Variants in HEPHL1 observed in about 807,000 individuals in gnomAD.
HEPHL1 encodes the protein ferroxidase HEPHL1.
In HEPHL1, 123 loss-of-function variants were observed where a neutral mutation model predicts 122.0. The observed-to-expected ratio is 1.01, with a 90% CI of 0.87 to 1.17. The LOEUF is 1.17. Among genes scored for constraint, HEPHL1 ranks in the 50% most tolerant of loss-of-function variants. The pLI, the probability that HEPHL1 is intolerant of heterozygous loss-of-function variation, is 0.00. For missense variants in HEPHL1, 1,452 were observed against 1,430.5 expected (o/e 1.01, Z -0.24); for synonymous variants, 527 against 508.9 (o/e 1.04, Z -0.48).
At chr11:94,064,552 A>G in intron 4 of HEPHL1, 42 bp downstream of exon 4, 1 of 1,391,938 alleles carries the variant, frequency 7.2e-7, no homozygotes, top group Non-Finnish European at 1.0e-6. Flanking sequence ...CAGGCCTTTT[A>G]TACTATAAGG....
intron 1 of HEPHL1, among the ~76,000 whole-genome samples, chr11:94,040,838 C>T (rs1318104491): frequency 2.7e-5 from 2 of 74,322 alleles, no homozygotes; most frequent in Non-Finnish European, 5.2e-5. Context: ...TCTCTCACCG[C>T]TCCTATTCAA....
rs114542505 is a variant in HEPHL1 at position 94,063,616 on chromosome 11, C to T, written c.524C>T (p.Thr175Ile). The T allele has an allele frequency of 2.9e-4, 467 of 1,613,928 alleles. 2 individuals are homozygous for T. The African/African-American group carries it at 5.0e-3, about 17-fold the overall frequency. The change falls in exon 3 of 20, where the codon ACT becomes ATT. Residue 175 changes from threonine to isoleucine, a missense_variant. By Grantham distance (89) the Thr-to-Ile change is moderately conservative. Transcript: ENST00000315765. ...VWPVREEYAPTPADANCLTWV... is the reference protein window; with the variant it reads ...VWPVREEYAPIPADANCLTWV... Reference sequence around the variant, plus strand: ...CCGGTGAGAGAAGAATATGCACCTACTCCAGCCGATGCCAACTGCCTGACC... The same window carrying T: ...CCGGTGAGAGAAGAATATGCACCTATTCCAGCCGATGCCAACTGCCTGACC...
chr11:94,030,859 G>A (rs1306418394), intron 1 of HEPHL1, among the ~76,000 whole-genome samples: 2 of 152,080 alleles, frequency 1.3e-5, no homozygotes, highest in Non-Finnish European at 2.9e-5. Context: ...GTGGATGCTT[G>A]GATACAAGAG....
At position 94,070,507 on chromosome 11, in the gene HEPHL1, C is replaced by T; in HGVS notation, c.1197C>T (p.Asn399=). The T allele has an allele frequency of 6.2e-7, 1 of 1,611,158 alleles. No individual in the cohort carries two copies. The highest frequency in any genetic ancestry group is 8.5e-7 in the Non-Finnish European group (1 of 1,178,532). ...ILWDYAPQGY[N]KFSGLPLNAS... is the part of the protein sequence containing the mutation. ...GGGATTATGCTCCTCAAGGCTATAA[C>T]AAATTCAGTGGTCTTCCTCTAAACG... The change falls in exon 6 of 20, where the codon AAC becomes AAT. Residue 399 remains asparagine (N), a synonymous_variant. Transcript: ENST00000315765.
Position 94,070,493 on chromosome 11 carries a change from C to T in HEPHL1, c.1183C>T (p.Pro395Ser), listed in dbSNP as rs776700423. Residue 395 changes from proline to serine, a missense_variant, in exon 6 of 20, where the codon CCT (proline) becomes TCT (serine). Transcript: ENST00000315765. ...TGAAAAAATTCTTTGGGATTATGCTCCTCAAGGCTATAACAAATTCAGTGG... is the reference window on the plus strand; with the variant it reads ...TGAAAAAATTCTTTGGGATTATGCTTCTCAAGGCTATAACAAATTCAGTGG... ...AAEKILWDYAPQGYNKFSGLP... is the reference protein window; with the variant it reads ...AAEKILWDYASQGYNKFSGLP... The T allele has an allele frequency of 6.9e-5, 111 of 1,611,260 alleles. No individual in the cohort carries two copies. Among genetic ancestry groups the T allele is most frequent in the South Asian group, 1.7e-4 (15 of 90,508 alleles).
chr11:94,098,508 G>A (rs1278565285), intron 13 of HEPHL1, among the ~76,000 whole-genome samples: 9 of 152,060 alleles, frequency 5.9e-5, no homozygotes, highest in African/African-American at 9.7e-5. Flanking sequence ...TGCTCTTCTC[G>A]AGGAGTATCT....
intron 2 of HEPHL1, among the ~76,000 whole-genome samples, chr11:94,048,719 A>G (rs1490295870): frequency 3.3e-5 from 5 of 152,064 alleles, no homozygotes; most frequent in Admixed American, 2.0e-4. Flanking sequence ...GAAAACATTC[A>G]TAGGTCCTTA....
intron 5 of HEPHL1, among the ~76,000 whole-genome samples, chr11:94,069,432 G>T (rs1006002403): frequency 6.6e-6 from 1 of 151,918 alleles, no homozygotes; most frequent in African/African-American, 2.4e-5. Flanking sequence ...CTATAAATTG[G>T]TTTTAAAATC....
Position 94,045,898 on chromosome 11 carries a change from C to T in HEPHL1, c.396C>T (p.Phe132=). ...ACTCTCTGCATCCACATGGCGTTTT[C>T]TACAACAAAGATTCAGAAGGTAAAT... The part of the protein sequence containing the change: ...RPYSLHPHGV[F]YNKDSEGALY... Residue 132 remains phenylalanine (F), a synonymous_variant, in exon 2 of 20, where the codon TTC becomes TTT. Transcript: ENST00000315765. 6.2e-7 allele frequency: 1 copy of T among 1,613,732 alleles called. No individual in the cohort carries two copies. The highest frequency in any genetic ancestry group is 8.5e-7 in the Non-Finnish European group (1 of 1,179,800).
Position 94,086,015 on chromosome 11 carries a change from A to C in HEPHL1, c.1906A>C (p.Asn636His). The C allele has an allele frequency of 6.2e-7, 1 of 1,613,890 alleles. No individual in the cohort carries two copies. Among genetic ancestry groups the C allele is most frequent in the Non-Finnish European group, 8.5e-7 (1 of 1,179,852 alleles). The change falls in exon 11 of 20, where the codon AAC becomes CAC. Residue 636 changes from asparagine to histidine, a missense_variant. Coordinates refer to ENST00000315765, the MANE Select transcript of HEPHL1 (RefSeq NM_001098672.2). Reference sequence around the variant, plus strand: ...CATGTATGGCAACCAGCCAGGCTTAAACATGTGTAAAAGGGATAGAGTTTC... The same window carrying C: ...CATGTATGGCAACCAGCCAGGCTTACACATGTGTAAAAGGGATAGAGTTTC... ...GYMYGNQPGL[N>H]MCKRDRVSWH...
At chr11:94,082,165 G>C (rs1946175734) in intron 9 of HEPHL1, among the ~76,000 whole-genome samples, 1 of 152,230 alleles carries the variant, frequency 6.6e-6, no homozygotes, top group African/African-American at 2.4e-5. Context: ...GAGGCCAAAA[G>C]AGTAGAAAGC....
intron 1 of HEPHL1, among the ~76,000 whole-genome samples, chr11:94,031,412 T>C (rs1466597470): frequency 6.6e-6 from 1 of 152,132 alleles, no homozygotes; most frequent in African/African-American, 2.4e-5. Context: ...ATTTGCTTTT[T>C]TTTTATTAGT....
At chr11:94,036,955 T>C (rs898974992) in intron 1 of HEPHL1, among the ~76,000 whole-genome samples, 3 of 151,182 alleles carry the variant, frequency 2.0e-5, no homozygotes, top group Non-Finnish European at 2.9e-5. Context: ...CCATCTGAGG[T>C]ACAGGGTTCA....
At chr11:94,110,784 C>T (rs761288760) in intron 17 of HEPHL1, 119 bp from the exon 18 acceptor site, 42 of 709,810 alleles carry the variant, frequency 5.9e-5, no homozygotes, top group Middle Eastern at 6.5e-4. Context: ...GATTCCTGCT[C>T]TTTCTTATGT....
Position 94,064,428 on chromosome 11 carries a change from T to A in HEPHL1, c.726T>A (p.Asn242Lys). ...LVDENQSWYL[N>K]ENIKHFCTNP... The stretch of plus-strand genomic sequence containing the variant: ...ATGAGAATCAAAGCTGGTACCTCAA[T>A]GAAAATATCAAACATTTCTGCACCA... The change falls in exon 4 of 20, where the codon AAT (asparagine) becomes AAA (lysine). Residue 242 changes from asparagine to lysine, a missense_variant. Asn to Lys is a moderately conservative substitution (Grantham distance 94). Coordinates refer to ENST00000315765, the MANE Select transcript of HEPHL1 (RefSeq NM_001098672.2). 1 of 1,612,856 alleles carries A rather than the reference T, an allele frequency of 6.2e-7. No individual in the cohort carries two copies. The highest frequency in any genetic ancestry group is 1.1e-5 in the South Asian group (1 of 91,060).
chr11:94,080,636 G>A (rs990818532), intron 9 of HEPHL1, among the ~76,000 whole-genome samples: 2 of 152,172 alleles, frequency 1.3e-5, no homozygotes, highest in African/African-American at 2.4e-5. Flanking sequence ...CAAAAGACGT[G>A]AACAGACACT....
At chr11:94,046,579 G>T (rs4753120) in intron 2 of HEPHL1, among the ~76,000 whole-genome samples, 25 of 146,544 alleles carry the variant, frequency 1.7e-4, no homozygotes, top group Non-Finnish European at 2.1e-4. Flanking sequence ...TCCTATCTCC[G>T]GTAGCAGCCT....
At chr11:94,080,933 A>C (rs1247225926) in intron 9 of HEPHL1, among the ~76,000 whole-genome samples, 1 of 152,206 alleles carries the variant, frequency 6.6e-6, no homozygotes, top group Non-Finnish European at 1.5e-5. Flanking sequence ...CAGCAGTTCC[A>C]TTACTGGGCA....
chr11:94,093,504 T>G lies in HEPHL1; in HGVS notation c.2298T>G (p.His766Gln). 6.2e-7 allele frequency: 1 copy of G among 1,613,338 alleles called. No homozygotes were observed. The highest frequency in any genetic ancestry group is 2.2e-5 in the East Asian group (1 of 44,858). Reference sequence around the variant, plus strand: ...TTCTGATGCTTCTGATTTGCAGACATGGAGATATATTTATGAACCGCACTG... The same window carrying G: ...TTCTGATGCTTCTGATTTGCAGACAGGGAGATATATTTATGAACCGCACTG... ...KQHVDARGERHGDIFMNRTEN... is the reference protein window; with the variant it reads ...KQHVDARGERQGDIFMNRTEN... Residue 766 changes from histidine to glutamine, a missense_variant, in exon 13 of 20, where the codon CAT becomes CAG. Physicochemically the swap from His to Gln is conservative, Grantham distance 24. Coordinates refer to ENST00000315765, the MANE Select transcript of HEPHL1 (RefSeq NM_001098672.2).
Sources: gnomAD v4.1 joint callset for allele counts (sites outside exome capture counted in the v4.1 genomes callset) on GRCh38, gnomAD v4.1.1 for gene constraint, MANE v1.5 for transcripts, NCBI Gene and HGNC (gene_info 2026-07-23, HGNC 2026-07-21) for gene names.